Variants in NAALADL2 observed in about 807,000 individuals in gnomAD.
NAALADL2 encodes N-acetylated alpha-linked acidic dipeptidase like 2, also known as inactive N-acetylated-alpha-linked acidic dipeptidase-like protein 2.
A neutral mutation model predicts 87.2 loss-of-function variants in NAALADL2; 76 were observed. That is an observed-to-expected ratio of 0.87 (90% CI 0.72 to 1.05). NAALADL2 has a LOEUF of 1.05. Ranked by LOEUF, NAALADL2 falls within the 50% of genes least tolerant of loss-of-function variation. The pLI is 0.00. For synonymous variants in NAALADL2, 354 were observed against 331.0 expected (o/e 1.07, Z -0.75); for missense variants, 1,089 against 945.8 (o/e 1.15, Z -1.99).
intron 3 of NAALADL2, among the ~76,000 whole-genome samples, chr3:174,834,430 C>T (rs62284942): frequency 0.056 from 8,372 of 150,682 alleles, 245 homozygotes; most frequent in Non-Finnish European, 0.065. Context: ...TTCTGTCTAA[C>T]GTTGTAATGG....
At chr3:175,101,249 C>A (rs1176552385) in intron 2 of NAALADL2, among the ~76,000 whole-genome samples, 2 of 152,166 alleles carry the variant, frequency 1.3e-5, no homozygotes, top group East Asian at 3.8e-4. Context: ...ATGCTAATTG[C>A]TATATTCTCC....
intron 2 of NAALADL2, among the ~76,000 whole-genome samples, chr3:175,103,564 C>T (rs1479652709): frequency 1.1e-5 from 1 of 93,952 alleles, no homozygotes; most frequent in Non-Finnish European, 2.8e-5. Flanking sequence ...GTACTCAGAC[C>T]TTGCCTCAGA....
intron 3 of NAALADL2, among the ~76,000 whole-genome samples, chr3:174,783,451 G>T (rs1658311189): frequency 6.6e-6 from 1 of 152,078 alleles, no homozygotes; most frequent in Non-Finnish European, 1.5e-5. Flanking sequence ...TATTTATAGT[G>T]AAATTCTAGC....
chr3:174,841,825 T>C (rs1272144865), intron 3 of NAALADL2, among the ~76,000 whole-genome samples: 1 of 152,198 alleles, frequency 6.6e-6, no homozygotes, highest in East Asian at 1.9e-4. Context: ...AATTCCCAAA[T>C]TGGTAAATTC....
At chr3:174,608,981 C>T (rs1012538415) in intron 2 of NAALADL2, among the ~76,000 whole-genome samples, 11 of 151,442 alleles carry the variant, frequency 7.3e-5, no homozygotes, top group Non-Finnish European at 1.6e-4. Flanking sequence ...AAGTGGGCTT[C>T]ATCCCTGGGA....
chr3:175,420,838 C>G (rs1158641678), intron 5 of NAALADL2, among the ~76,000 whole-genome samples: 1 of 151,860 alleles, frequency 6.6e-6, no homozygotes, highest in Non-Finnish European at 1.5e-5. Flanking sequence ...GGCAATAAAA[C>G]CAGTGAAAGA....
chr3:175,269,418 A>C (rs1221358699), intron 4 of NAALADL2, among the ~76,000 whole-genome samples: 1 of 152,208 alleles, frequency 6.6e-6, no homozygotes, highest in Non-Finnish European at 1.5e-5. Flanking sequence ...GCATCACCAC[A>C]AACATGTAAG....
chr3:175,719,406 T>C (rs1741902604), intron 11 of NAALADL2, among the ~76,000 whole-genome samples: 1 of 151,418 alleles, frequency 6.6e-6, no homozygotes, highest in Non-Finnish European at 1.5e-5. Flanking sequence ...TCCAGAAAAA[T>C]TGACACCCTA....
chr3:174,625,076 T>TTTTTTTTTTTTA (rs1721429439), intron 2 of NAALADL2, among the ~76,000 whole-genome samples: 1 of 147,650 alleles, frequency 6.8e-6, no homozygotes, highest in African/African-American at 2.5e-5. Flanking sequence ...TTTTTTTTTT[T>TTTTTTTTTTTTA]GAGACAGGGT....
chr3:174,868,942 A>G (rs1197038061), intron 1 of NAALADL2, among the ~76,000 whole-genome samples: 1 of 152,166 alleles, frequency 6.6e-6, no homozygotes. Flanking sequence ...GATGGATGGT[A>G]GAGGAAGAAG....
intron 1 of NAALADL2, among the ~76,000 whole-genome samples, chr3:175,096,262 T>G (rs926273532): frequency 7.2e-5 from 11 of 152,224 alleles, no homozygotes; most frequent in East Asian, 1.9e-4. Flanking sequence ...TGCCTATTTT[T>G]ATAATGAATT....
At chr3:174,514,845 C>T (rs914440801) in intron 1 of NAALADL2, among the ~76,000 whole-genome samples, 1 of 151,882 alleles carries the variant, frequency 6.6e-6, no homozygotes, top group Non-Finnish European at 1.5e-5. Context: ...TTTGTGCTCC[C>T]CCAAGAATTA....
intron 1 of NAALADL2, among the ~76,000 whole-genome samples, chr3:174,473,829 T>TTGTA (rs1395204774): frequency 1.3e-5 from 2 of 152,194 alleles, no homozygotes; most frequent in Admixed American, 1.3e-4. Context: ...TAGTCCATTC[T>TTGTA]TGCGCTGCTA....
intron 9 of NAALADL2, among the ~76,000 whole-genome samples, chr3:175,563,775 G>A (rs1560764450): frequency 1.3e-5 from 2 of 152,152 alleles, no homozygotes; most frequent in Non-Finnish European, 2.9e-5. Context: ...TCCGACCAAG[G>A]TAATGGCCCT....
At chr3:175,015,423 C>T (rs561239294) in intron 1 of NAALADL2, among the ~76,000 whole-genome samples, 140 of 152,162 alleles carry the variant, frequency 9.2e-4, no homozygotes, top group African/African-American at 3.2e-3. Flanking sequence ...ATTAAGCAGT[C>T]GCCGTTTGAG....
At chr3:174,936,171 A>G (rs1737660115) in intron 1 of NAALADL2, among the ~76,000 whole-genome samples, 1 of 152,106 alleles carries the variant, frequency 6.6e-6, no homozygotes, top group African/African-American at 2.4e-5. Context: ...AGTATTTGTT[A>G]GGGACCTGGG....
intron 13 of NAALADL2, among the ~76,000 whole-genome samples, chr3:175,775,719 G>T (rs955982555): frequency 1.3e-5 from 2 of 152,056 alleles, no homozygotes; most frequent in Non-Finnish European, 1.5e-5. Flanking sequence ...CCATCAGAAA[G>T]AATCACTGAA....
chr3:174,772,474 T>A (rs1714691352), intron 3 of NAALADL2, among the ~76,000 whole-genome samples: 1 of 152,164 alleles, frequency 6.6e-6, no homozygotes, highest in Non-Finnish European at 1.5e-5. Flanking sequence ...GGAAATGTGA[T>A]TTGAAAAGTG....
At chr3:174,759,419 T>C (rs1712597907) in intron 3 of NAALADL2, among the ~76,000 whole-genome samples, 2 of 152,216 alleles carry the variant, frequency 1.3e-5, no homozygotes, top group South Asian at 4.1e-4. Context: ...GATTTGAACA[T>C]GGTGCATTGC....
Sources: gnomAD v4.1 joint callset for allele counts (sites outside exome capture counted in the v4.1 genomes callset) on GRCh38, gnomAD v4.1.1 for gene constraint, MANE v1.5 for transcripts, NCBI Gene and HGNC (gene_info 2026-07-23, HGNC 2026-07-21) for gene names.